The following ANKS1A variants were observed in gnomAD, a reference collection of about 807,000 sequenced individuals.
ANKS1A encodes ankyrin repeat and SAM domain-containing protein 1A.
ANKS1A carries 55 observed loss-of-function variants against 120.3 expected under a neutral mutation model. The ratio of observed to expected loss-of-function variants is 0.46; its 90% CI spans 0.37 to 0.57. The LOEUF (loss-of-function observed/expected upper bound fraction) is 0.57, where lower values mean the gene tolerates loss of function less well. Ranked by LOEUF, ANKS1A falls within the 20% of genes least tolerant of loss-of-function variation. The pLI, the probability that ANKS1A is intolerant of heterozygous loss-of-function variation, is 0.00. For missense variants in ANKS1A, 1,123 were observed against 1,480.3 expected (o/e 0.76, Z 3.96); for synonymous variants, 590 against 604.7 (o/e 0.98, Z 0.36).
intron 23 of ANKS1A, 118 bp downstream of exon 23, chr6:35,087,167 G>T: frequency 1.9e-6 from 2 of 1,029,558 alleles, no homozygotes. Context: ...CTGATGCCAA[G>T]GCCCCACCTG....
chr6:34,969,918 G>T, intron 2 of ANKS1A, 92 bp from the exon 3 acceptor site: 1 of 1,456,452 alleles, frequency 6.9e-7, no homozygotes, highest in Non-Finnish European at 9.3e-7. Context: ...TGAGATATCT[G>T]TGAAAGGGCT....
chr6:35,061,816 G>T (rs1372129492), intron 13 of ANKS1A, among the ~76,000 whole-genome samples: 2 of 152,194 alleles, frequency 1.3e-5, no homozygotes, highest in Non-Finnish European at 1.5e-5. Flanking sequence ...GTGGAGAGGG[G>T]GCTCAGGCAA....
intron 10 of ANKS1A, among the ~76,000 whole-genome samples, chr6:35,001,883 G>T (rs1052021103): frequency 3.3e-5 from 5 of 152,070 alleles, no homozygotes; most frequent in African/African-American, 1.2e-4. Flanking sequence ...CCCTGGCCAA[G>T]GCCAGTGGCC....
chr6:34,969,483 G>T (rs1327136663), intron 2 of ANKS1A, among the ~76,000 whole-genome samples: 1 of 152,146 alleles, frequency 6.6e-6, no homozygotes, highest in Non-Finnish European at 1.5e-5. Flanking sequence ...TTGAACTCCT[G>T]ACCTCAGGTG....
At chr6:35,043,968 A>G (rs1377948491) in intron 11 of ANKS1A, among the ~76,000 whole-genome samples, 1 of 152,270 alleles carries the variant, frequency 6.6e-6, no homozygotes, top group Non-Finnish European at 1.5e-5. Context: ...ATTTTAAAAA[A>G]TGATCTCATT....
chr6:35,085,630 GAGGGA>G lies in ANKS1A; in HGVS notation c.3133-133_3133-129del. On this transcript the variant is annotated intron_variant, in intron 21 of 23. Coordinates refer to ENST00000360359, the MANE Select transcript of ANKS1A (RefSeq NM_015245.3). The surrounding 1 kb of genome is among the most constrained non-coding windows in gnomAD (Gnocchi z 4.7). ...CCTAGGAAGAGTAAAGGAGGGAAAG[GAGGGA>G]AGAGTGGAAGGAGGTAGGAGCGCTC... The G allele has an allele frequency of 1.3e-6, 1 of 799,788 alleles. No individual in the cohort carries two copies. Among genetic ancestry groups the G allele is most frequent in the South Asian group, 2.1e-5 (1 of 47,202 alleles). The allele number at this position is 799,788 out of a possible 1,614,324, so 49.5% of individuals were successfully genotyped here.
chr6:34,981,162 T>G (rs1771885213), intron 3 of ANKS1A, among the ~76,000 whole-genome samples: 1 of 152,194 alleles, frequency 6.6e-6, no homozygotes. Flanking sequence ...ATTTTTAGTC[T>G]GCTCTGTTAC....
At chr6:35,021,984 T>TAA (rs35470171) in intron 11 of ANKS1A, among the ~76,000 whole-genome samples, 57 of 136,052 alleles carry the variant, frequency 4.2e-4, no homozygotes, top group Non-Finnish European at 5.0e-4. Context: ...AGACTCTGTC[T>TAA]AAAAAAAAAA....
rs1468104838 is a variant in ANKS1A, at chr6:35,089,032, C to T, written c.*423C>T. The T allele has an allele frequency of 3.6e-6, 4 of 1,100,060 alleles. No individual in the cohort carries two copies. Among genetic ancestry groups the T allele is most frequent in the Non-Finnish European group, 4.5e-6 (4 of 897,562 alleles). The allele number at this position is 1,100,060 out of a possible 1,614,324, so 68.1% of individuals were successfully genotyped here. On this transcript the variant is annotated 3_prime_UTR_variant, in exon 24 of 24. Transcript: ENST00000360359. ...GGCCAGCCTGCATAGCCTCTGTCCT[C>T]AGGACGGAACTTGGGTGCAGCTCAG...
intron 1 of ANKS1A, among the ~76,000 whole-genome samples, chr6:34,955,073 AT>A (rs1421068234): frequency 1.3e-5 from 2 of 150,382 alleles, no homozygotes; most frequent in African/African-American, 2.4e-5. Context: ...CTATAATTCT[AT>A]TTTTTTCTTG....
intron 8 of ANKS1A, among the ~76,000 whole-genome samples, chr6:34,986,904 G>T (rs2127531481): frequency 6.6e-6 from 1 of 152,366 alleles, no homozygotes; most frequent in Admixed American, 6.5e-5. Flanking sequence ...TTGGAGGAAG[G>T]TGGTGTTTTA....
chr6:34,974,858 G>A (rs1391068618), intron 3 of ANKS1A, among the ~76,000 whole-genome samples: 1 of 152,074 alleles, frequency 6.6e-6, no homozygotes, highest in Non-Finnish European at 1.5e-5. Flanking sequence ...AGGCATTTTT[G>A]GAATCTGTTT....
chr6:34,948,683 CG>C (rs919759700), intron 1 of ANKS1A, among the ~76,000 whole-genome samples: 1 of 152,100 alleles, frequency 6.6e-6, no homozygotes, highest in African/African-American at 2.4e-5. Flanking sequence ...TAACCTCAAG[CG>C]TACCAAAAAC....
chr6:35,065,484 T>G (rs1436570375), intron 13 of ANKS1A, among the ~76,000 whole-genome samples: 2 of 152,254 alleles, frequency 1.3e-5, no homozygotes, highest in Non-Finnish European at 2.9e-5. Flanking sequence ...GCGTCTTTCC[T>G]GGCACCTCGA....
chr6:34,928,888 G>A (rs1239769876), intron 1 of ANKS1A, among the ~76,000 whole-genome samples: 1 of 152,240 alleles, frequency 6.6e-6, no homozygotes, highest in Non-Finnish European at 1.5e-5. Context: ...GGTAACATAA[G>A]AGGGAGCAGG....
chr6:35,021,326 C>T (rs1052480721), intron 11 of ANKS1A, among the ~76,000 whole-genome samples: 3 of 152,140 alleles, frequency 2.0e-5, no homozygotes, highest in Non-Finnish European at 4.4e-5. Context: ...CACTGTGAGA[C>T]CTGGGGAGGG....
rs777850112 is a variant in ANKS1A, at chr6:35,085,985, T to G, written c.3303+49T>G. 3.2e-6 allele frequency: 5 copies of G among 1,541,662 alleles called. No homozygotes were observed. The highest frequency in any genetic ancestry group is 4.3e-6 in the Non-Finnish European group (5 of 1,150,236). ...ATCCCCCTCTCCCTGGCCCCAGGGA[T>G]TCAAGGGCTCAGGGTGGTCAGCGTG... is the stretch of plus-strand genomic sequence containing the variant. On this transcript the variant is annotated intron_variant, in intron 22 of 23. Coordinates refer to ENST00000360359, the MANE Select transcript of ANKS1A (RefSeq NM_015245.3). The surrounding 1 kb of genome is among the most constrained non-coding windows in gnomAD (Gnocchi z 4.7).
Position 35,054,133 on chromosome 6 carries a change from T to C in ANKS1A, c.2045T>C (p.Ile682Thr). The change falls in exon 12 of 24, where the codon ATT (isoleucine) becomes ACT (threonine). Residue 682 changes from isoleucine (I) to threonine (T), a missense_variant. Ile to Thr is a moderately conservative substitution (Grantham distance 89). Around this residue, in one of 3 missense-constraint regions of ANKS1A, gnomAD observed 904 missense variants for 1,130.4 expected, o/e 0.80. Transcript: ENST00000360359. ...ATCATGAGTTCTATTGGAGAAGGGA[T>C]TGACTTTTCTCAGGAACGGCAGAAG... ...EKIMSSIGEG[I>T]DFSQERQKIS... 1 of 1,614,044 alleles carries C rather than the reference T, an allele frequency of 6.2e-7. No homozygotes were observed. Among genetic ancestry groups the C allele is most frequent in the Admixed American group, 1.7e-5 (1 of 60,028 alleles).
In ANKS1A at chr6:34,889,541, A is replaced by G. The variant is rs866575611; in HGVS notation, c.139A>G (p.Ser47Gly). The G allele has an allele frequency of 1.3e-4, 159 of 1,200,114 alleles. No homozygotes were observed. The highest frequency in any genetic ancestry group is 1.3e-3 in the Admixed American group (29 of 21,974). The allele number at this position is 1,200,114 out of a possible 1,614,324, so 74.3% of individuals were successfully genotyped here. Residue 47 changes from serine (S) to glycine (G), a missense_variant, in exon 1 of 24, where the codon AGC becomes GGC. This residue lies in a region of ANKS1A where 73 missense variants were observed against 82.2 expected (regional missense o/e 0.89). Coordinates refer to ENST00000360359, the MANE Select transcript of ANKS1A (RefSeq NM_015245.3). The surrounding 1 kb of genome is among the most constrained non-coding windows in gnomAD (Gnocchi z 5.5). ...GGGSGGGGGGSGGGGGGLGSS... is the reference protein window; with the variant it reads ...GGGSGGGGGGGGGGGGGLGSS... ...TGGCTCTGGGGGCGGCGGCGGCGGC[A>G]GCGGCGGCGGCGGCGGCGGCCTCGG...
Sources: allele counts gnomAD v4.1 joint callset (sites outside exome capture counted in the v4.1 genomes callset), GRCh38; gene constraint gnomAD v4.1.1; regional missense constraint gnomAD v4.1.1; non-coding constraint Gnocchi (gnomAD v3.1); transcripts MANE v1.5; gene names NCBI Gene and HGNC (gene_info 2026-07-23, HGNC 2026-07-21).